Variants in ZNF75D observed in about 807,000 individuals in gnomAD.
ZNF75D encodes the protein zinc finger protein 75D.
ZNF75D carries 33 observed loss-of-function variants against 33.3 expected under a neutral mutation model. The observed-to-expected ratio is 0.99, with a 90% confidence interval of 0.75 to 1.32. The LOEUF (loss-of-function observed/expected upper bound fraction) is 1.32. Among genes scored for constraint, ZNF75D ranks in the 40% most tolerant of loss-of-function variants. ZNF75D has a pLI of 0.00. For synonymous variants in ZNF75D, 113 were observed against 130.6 expected (o/e 0.87, Z 0.92); for missense variants, 338 against 367.5 (o/e 0.92, Z 0.66).
At chrX:135,338,472 T>C (rs1556443385) in intron 1 of ZNF75D, among the ~76,000 whole-genome samples, 4 of 112,594 alleles carry the variant, frequency 3.6e-5, no homozygotes, top group Non-Finnish European at 7.5e-5. Context: ...ATCCATATAA[T>C]AGCTGATAAG....
At chrX:135,288,166 C>T (rs1397333651) in intron 6 of ZNF75D, among the ~76,000 whole-genome samples, 1 of 112,033 alleles carries the variant, frequency 8.9e-6, no homozygotes, top group African/African-American at 3.2e-5. Context: ...AAGAAGGCAA[C>T]TATCAACAGA....
At chrX:135,326,789 G>A (rs1229606851) in intron 1 of ZNF75D, among the ~76,000 whole-genome samples, 4 of 111,001 alleles carry the variant, frequency 3.6e-5, no homozygotes, top group Admixed American at 9.5e-5. Flanking sequence ...CACTCACCGC[G>A]AAGGTCTGCA....
chrX:135,274,933 A>C (rs184821648), intron 1 of ZNF75D, among the ~76,000 whole-genome samples: 1 of 111,843 alleles, frequency 8.9e-6, no homozygotes, highest in Non-Finnish European at 1.9e-5. Context: ...TACCAAGGAT[A>C]AGAACTCTAG....
chrX:135,304,366 T>TC (rs1556425361), intron 1 of ZNF75D, among the ~76,000 whole-genome samples: 3 of 111,802 alleles, frequency 2.7e-5, no homozygotes, highest in Admixed American at 9.5e-5. Context: ...TGAATAAAGT[T>TC]CCAGCTGCTA....
In ZNF75D at chrX:135,293,968, T is replaced by C; in HGVS notation, c.173A>G (p.His58Arg). The C allele has an allele frequency of 8.3e-7, 1 of 1,212,051 alleles. No homozygotes were observed. The highest frequency in any genetic ancestry group is 1.8e-5 in the South Asian group (1 of 57,003). ...AGTCTCAAGCGGTCCGGTTGCTTCA[T>C]GATAACGGAAGCTCCAGAAGTGCCT... ...ACRHFWSFRYHEATGPLETIS... is the reference protein window; with the variant it reads ...ACRHFWSFRYREATGPLETIS... The change falls in exon 3 of 7, where the codon CAT becomes CGT. Residue 58 changes from histidine (H) to arginine (R), a missense_variant. His to Arg is a conservative substitution (Grantham distance 29). This residue lies in a region of ZNF75D where 254 missense variants were observed against 267.7 expected (regional missense o/e 0.95). Coordinates refer to ENST00000370766, the MANE Select transcript of ZNF75D (RefSeq NM_007131.5).
At chrX:135,331,398 A>C (rs2084649551) in intron 1 of ZNF75D, among the ~76,000 whole-genome samples, 1 of 106,477 alleles carries the variant, frequency 9.4e-6, no homozygotes, top group Admixed American at 1.0e-4. Context: ...GGCTTCCAGG[A>C]AAAAAAAGCT....
chrX:135,326,826 C>T (rs913749516), intron 1 of ZNF75D, among the ~76,000 whole-genome samples: 6 of 111,203 alleles, frequency 5.4e-5, no homozygotes, highest in East Asian at 2.8e-4. Flanking sequence ...CGCGAGACCA[C>T]GAACCCACCA....
At chrX:135,323,841 G>A (rs1556435986) in intron 1 of ZNF75D, among the ~76,000 whole-genome samples, 1 of 111,793 alleles carries the variant, frequency 8.9e-6, no homozygotes, top group Non-Finnish European at 1.9e-5. Flanking sequence ...ATAGCTCAAA[G>A]AGCAAGCTTT....
intron 1 of ZNF75D, among the ~76,000 whole-genome samples, chrX:135,314,575 T>C (rs190993845): frequency 1.4e-3 from 152 of 111,738 alleles, no homozygotes; most frequent in African/African-American, 4.8e-3. Flanking sequence ...CTTTACGTAT[T>C]TGGTAGAATT....
chrX:135,262,798 A>G (rs782799200), intron 1 of ZNF75D, among the ~76,000 whole-genome samples: 8 of 111,944 alleles, frequency 7.1e-5, no homozygotes, highest in East Asian at 2.8e-4. Context: ...ACCTTTGTCA[A>G]CTCATCAAAT....
chrX:135,325,103 A>G (rs935518871), intron 1 of ZNF75D, among the ~76,000 whole-genome samples: 2 of 110,308 alleles, frequency 1.8e-5, no homozygotes, highest in African/African-American at 3.3e-5. Flanking sequence ...TGTATATCCA[A>G]TGGTGACTGC....
chrX:135,279,670 G>T (rs2083912930), intron 1 of ZNF75D, among the ~76,000 whole-genome samples: 1 of 111,821 alleles, frequency 8.9e-6, no homozygotes. Flanking sequence ...GTGTCCCAGA[G>T]ATTCTGGTAC....
At chrX:135,299,361 GA>G (rs1280586318) in intron 1 of ZNF75D, among the ~76,000 whole-genome samples, 6 of 111,709 alleles carry the variant, frequency 5.4e-5, no homozygotes, top group Non-Finnish European at 1.1e-4. Flanking sequence ...ATTGTGCTTT[GA>G]TTTGCATTTC....
intron 1 of ZNF75D, chrX:135,309,455 T>C: frequency 3.4e-6 from 1 of 296,722 alleles, no homozygotes; most frequent in African/African-American, 2.7e-5. Flanking sequence ...GCTGTTTTAC[T>C]GAGGTTGTTT....
intron 1 of ZNF75D, among the ~76,000 whole-genome samples, chrX:135,319,739 C>G (rs984166555): frequency 3.6e-5 from 4 of 112,125 alleles, no homozygotes; most frequent in African/African-American, 1.3e-4. Context: ...AAGTAATGGG[C>G]ACACAGTTAA....
intron 1 of ZNF75D, among the ~76,000 whole-genome samples, chrX:135,311,030 TG>T (rs1400705294): frequency 1.8e-5 from 2 of 111,987 alleles, no homozygotes; most frequent in Non-Finnish European, 1.9e-5. Flanking sequence ...CTGTACCAGC[TG>T]GTAGAGAATC....
At chrX:135,312,706 A>G (rs2084375069) in intron 1 of ZNF75D, among the ~76,000 whole-genome samples, 1 of 108,367 alleles carries the variant, frequency 9.2e-6, no homozygotes, top group African/African-American at 3.4e-5. Context: ...AAACTGGGGT[A>G]AGATGGTATC....
chrX:135,291,668 TC>T (rs1206709291), intron 4 of ZNF75D, 105 bp from the exon 5 acceptor site: 2 of 1,086,746 alleles, frequency 1.8e-6, no homozygotes, highest in Admixed American at 5.6e-5. Flanking sequence ...TAAAGATGGG[TC>T]ACATTGACAA....
intron 1 of ZNF75D, among the ~76,000 whole-genome samples, chrX:135,260,874 CT>C (rs2083837943): frequency 1.8e-5 from 2 of 111,776 alleles, no homozygotes; most frequent in East Asian, 2.8e-4. Context: ...TTCTCTAGTT[CT>C]TTTAATTGTG....
Sources: allele counts gnomAD v4.1 joint callset (sites outside exome capture counted in the v4.1 genomes callset), GRCh38; gene constraint gnomAD v4.1.1; regional missense constraint gnomAD v4.1.1; transcripts MANE v1.5; gene names NCBI Gene and HGNC (gene_info 2026-07-23, HGNC 2026-07-21).